The following PCDH7 variants were observed in gnomAD, a reference collection of about 807,000 sequenced individuals.
PCDH7 encodes the protein protocadherin-7.
Under a neutral mutation model 58.9 loss-of-function variants are expected in PCDH7, and 17 were observed. The observed-to-expected ratio is 0.29, with a 90% CI of 0.20 to 0.43. PCDH7 has a LOEUF of 0.43. Ranked by LOEUF, PCDH7 falls within the 20% of genes least tolerant of loss-of-function variation. The pLI is 1.00. For missense variants in PCDH7, 1,274 were observed against 1,441.0 expected (o/e 0.88, Z 1.88); for synonymous variants, 664 against 616.4 (o/e 1.08, Z -1.14).
rs145516852 is a variant in PCDH7, at chr4:31,018,626, G to A, written c.*7+68411G>A. 2.7e-3 allele frequency among the ~76,000 whole-genome samples: 413 copies of A among 152,154 alleles called. 1 individual carries two copies. The highest frequency in any genetic ancestry group is 0.01 in the Middle Eastern group (3 of 294). On this transcript the variant is annotated intron_variant, in intron 3 of 3. Transcript: ENST00000509759. Reference sequence around the variant, plus strand: ...AGTTTCTCTAAGTCGTGTATATTTCGATAGAATAAGGAAATTGAGCCAAAA... The same window carrying A: ...AGTTTCTCTAAGTCGTGTATATTTCAATAGAATAAGGAAATTGAGCCAAAA...
At chr4:30,747,184 C>G (rs777914678) in intron 1 of PCDH7, among the ~76,000 whole-genome samples, 5 of 152,156 alleles carry the variant, frequency 3.3e-5, no homozygotes, top group Non-Finnish European at 7.3e-5. Context: ...TAATACTGAA[C>G]TGGATCTAAG....
intron 1 of PCDH7, among the ~76,000 whole-genome samples, chr4:30,893,344 C>A (rs1295650193): frequency 6.6e-6 from 1 of 152,040 alleles, no homozygotes; most frequent in Non-Finnish European, 1.5e-5. Flanking sequence ...TACTTTCCAA[C>A]AAATTCACAT....
At chr4:30,922,203 A>T (rs1198447288) in intron 2 of PCDH7, among the ~76,000 whole-genome samples, 1 of 151,598 alleles carries the variant, frequency 6.6e-6, no homozygotes, top group Non-Finnish European at 1.5e-5. Context: ...TAATTACAGT[A>T]TTTTTAATAT....
chr4:30,871,166 A>C (rs759858925), intron 1 of PCDH7, among the ~76,000 whole-genome samples: 1 of 152,096 alleles, frequency 6.6e-6, no homozygotes, highest in Non-Finnish European at 1.5e-5. Context: ...GAGAAATTTG[A>C]TTTTATGCTT....
intron 3 of PCDH7, among the ~76,000 whole-genome samples, chr4:30,960,906 T>A (rs2109459466): frequency 6.6e-6 from 1 of 152,342 alleles, no homozygotes; most frequent in South Asian, 2.1e-4. Flanking sequence ...TATGTTTTAA[T>A]CTGAGTAAAC....
At chr4:30,848,391 C>G (rs546077343) in intron 1 of PCDH7, among the ~76,000 whole-genome samples, 111 of 152,066 alleles carry the variant, frequency 7.3e-4, no homozygotes, top group Non-Finnish European at 1.5e-3. Flanking sequence ...TATGTATTTA[C>G]CACAGTGCTG....
intron 3 of PCDH7, among the ~76,000 whole-genome samples, chr4:31,082,842 C>T (rs1711709799): frequency 6.6e-6 from 1 of 152,172 alleles, no homozygotes; most frequent in Admixed American, 6.5e-5. Flanking sequence ...TGGCTCAGGC[C>T]TGTAATCCCA....
intron 3 of PCDH7, among the ~76,000 whole-genome samples, chr4:30,975,866 C>T (rs1039893858): frequency 1.3e-5 from 2 of 152,216 alleles, no homozygotes; most frequent in Non-Finnish European, 2.9e-5. Context: ...CCCAAGCACA[C>T]TTTGGTCTCT....
At chr4:30,981,212 T>TC (rs1364242474) in intron 3 of PCDH7, among the ~76,000 whole-genome samples, 1 of 152,106 alleles carries the variant, frequency 6.6e-6, no homozygotes, top group East Asian at 1.9e-4. Context: ...TAATTAACAC[T>TC]CCCCCCATTC....
In PCDH7 at chr4:30,722,073, C is replaced by A; in HGVS notation, c.651C>A (p.Gly217=). The A allele has an allele frequency of 8.0e-7, 1 of 1,245,204 alleles. No homozygotes were observed. The highest frequency in any genetic ancestry group is 3.2e-5 in the East Asian group (1 of 31,644). 77.1% of individuals were successfully genotyped at this position (1,245,204 alleles called of 1,614,324 possible). The change falls in exon 1 of 2, where the codon GGC becomes GGA. Residue 217 remains glycine, a synonymous_variant. Coordinates refer to ENST00000361762, the Ensembl canonical transcript of PCDH7. The surrounding 1 kb of genome is among the most constrained non-coding windows in gnomAD (Gnocchi z 7.6). ...GCGGCGGGAACGGCGCGAGCGGCGGCGGCTCGGGAGGCTCCAAGCGGCGGC... is the reference window on the plus strand; with the variant it reads ...GCGGCGGGAACGGCGCGAGCGGCGGAGGCTCGGGAGGCTCCAAGCGGCGGC...
intron 2 of PCDH7, chr4:30,925,916 T>C (rs1241627122): frequency 6.6e-6 from 1 of 152,232 alleles, no homozygotes; most frequent in Non-Finnish European, 1.5e-5. Context: ...AAGTAGAATC[T>C]ACTGGTTTAC....
exon 1 of PCDH7, chr4:30,724,524 A>G (rs1462817227): frequency 1.2e-6 from 2 of 1,614,182 alleles, no homozygotes; most frequent in Non-Finnish European, 1.7e-6. Context: ...TGGGAGCAGG[A>G]GACAACATTT....
chr4:30,884,615 C>G (rs1023918538), intron 1 of PCDH7: 1 of 152,138 alleles, frequency 6.6e-6, no homozygotes, highest in East Asian at 1.9e-4. Context: ...TAGGCATTGA[C>G]TTAATGGCCC....
chr4:30,834,219 A>G (rs1325950160), intron 1 of PCDH7, among the ~76,000 whole-genome samples: 2 of 152,188 alleles, frequency 1.3e-5, no homozygotes, highest in Non-Finnish European at 2.9e-5. Flanking sequence ...AGGACCTTGC[A>G]CTGAGAAAGA....
chr4:30,837,570 A>G (rs1730646540), intron 1 of PCDH7, among the ~76,000 whole-genome samples: 1 of 151,864 alleles, frequency 6.6e-6, no homozygotes, highest in Admixed American at 6.6e-5. Context: ...AAAAACGAGA[A>G]TAGAGGGGAG....
At chr4:31,134,988 T>C in intron 3 of PCDH7, among the ~76,000 whole-genome samples, 1 of 152,204 alleles carries the variant, frequency 6.6e-6, no homozygotes, top group Non-Finnish European at 1.5e-5. Context: ...AGAGTAGTAA[T>C]GTCACATTCC....
At chr4:31,129,094 C>A (rs550174517) in intron 3 of PCDH7, among the ~76,000 whole-genome samples, 1 of 152,246 alleles carries the variant, frequency 6.6e-6, no homozygotes, top group South Asian at 2.1e-4. Context: ...TTCAACCATT[C>A]AACAGGCCCT....
At chr4:30,788,889 T>G (rs147181661) in intron 1 of PCDH7, among the ~76,000 whole-genome samples, 56 of 152,302 alleles carry the variant, frequency 3.7e-4, no homozygotes, top group African/African-American at 1.3e-3. Context: ...AAGACAATTT[T>G]AAGTCTTAAC....
intron 1 of PCDH7, among the ~76,000 whole-genome samples, chr4:30,754,754 C>G (rs1021464051): frequency 5.8e-5 from 2 of 34,208 alleles, no homozygotes; most frequent in Non-Finnish European, 1.2e-4. Flanking sequence ...CCTTTAGAAA[C>G]TTATATGTAC....
Sources: allele counts gnomAD v4.1 joint callset (sites outside exome capture counted in the v4.1 genomes callset), GRCh38; gene constraint gnomAD v4.1.1; non-coding constraint Gnocchi (gnomAD v3.1); transcripts MANE v1.5; gene names NCBI Gene and HGNC (gene_info 2026-07-23, HGNC 2026-07-21).